DNAH5: variants seen among roughly 807,000 people sequenced by gnomAD.
The protein encoded by DNAH5 is axonemal beta dynein heavy chain 5.
DNAH5 carries 372 observed loss-of-function variants against 518.2 expected under a neutral mutation model. The ratio of observed to expected loss-of-function variants is 0.72; its 90% confidence interval spans 0.66 to 0.78. DNAH5 has a LOEUF of 0.78. Ranked by LOEUF, DNAH5 falls within the 30% of genes least tolerant of loss-of-function variation. The pLI is 0.00. For synonymous variants in DNAH5, 2,039 were observed against 2,025.9 expected (o/e 1.01, Z -0.17); for missense variants, 5,523 against 5,687.0 (o/e 0.97, Z 0.93).
chr5:13,921,757 C>CCCA (rs1554104141), intron 5 of DNAH5, among the ~76,000 whole-genome samples: 1 of 135,434 alleles, frequency 7.4e-6, no homozygotes, highest in Non-Finnish European at 1.5e-5. Context: ...CACACCCCCC[C>CCCA]ACACACACAC....
At chr5:13,850,967 T>C in intron 30 of DNAH5, 152 bp from the exon 31 acceptor site, 2 of 805,858 alleles carry the variant, frequency 2.5e-6, no homozygotes, top group Admixed American at 3.7e-5. Context: ...TTTATTGAAG[T>C]TCTTATTGGG....
chr5:13,784,014 C>T (rs1483215319), intron 52 of DNAH5, among the ~76,000 whole-genome samples: 22 of 152,134 alleles, frequency 1.4e-4, no homozygotes, highest in Admixed American at 1.4e-3. Context: ...GCCCCAGCAC[C>T]GAGGCATTCA....
chr5:13,894,582 A>G, intron 16 of DNAH5, 68 bp downstream of exon 16: 2 of 1,520,274 alleles, frequency 1.3e-6, no homozygotes, highest in Non-Finnish European at 1.8e-6. Context: ...TTGATAAGAA[A>G]TTATTCAACA....
Position 13,753,218 on chromosome 5 carries a change from TA to T in DNAH5, c.10872+14del. On this transcript the variant is annotated intron_variant, in intron 63 of 78. Transcript: ENST00000265104. ...AACTTAACCGGTAGCATAAACATAC[TA>T]AAACACAAATTACCTGGAGTTCATT... 2 of 1,605,774 alleles carry T rather than the reference TA, an allele frequency of 1.2e-6. No individual in the cohort carries two copies. Among genetic ancestry groups the T allele is most frequent in the Non-Finnish European group, 1.7e-6 (2 of 1,172,676 alleles).
intron 9 of DNAH5, among the ~76,000 whole-genome samples, chr5:13,916,007 C>T (rs1204195339): frequency 6.6e-6 from 1 of 151,856 alleles, no homozygotes; most frequent in Non-Finnish European, 1.5e-5. Context: ...AGGAGATAGC[C>T]AGTTAAATAT....
Position 13,758,963 on chromosome 5 carries a change from C to A in DNAH5, c.10302G>T (p.Glu3434Asp), listed in dbSNP as rs759185141. 12 of 1,614,006 alleles carry A rather than the reference C, an allele frequency of 7.4e-6. No homozygotes were observed. Among genetic ancestry groups the A allele is most frequent in the African/African-American group, 2.7e-5 (2 of 74,920 alleles). ...LPLKANLVVQ[E>D]NRHLLAMQDL... ...CCTGCATGGCCAGGAGATGGCGATT[C>A]TCTTGCACCACCAAGTTGGCCTGCA... is the stretch of plus-strand genomic sequence containing the variant. The change falls in exon 61 of 79, where the codon GAG (glutamate) becomes GAT (aspartate). Residue 3434 changes from glutamate to aspartate, a missense_variant. Around this residue, in one of 3 missense-constraint regions of DNAH5, gnomAD observed 5,121 missense variants for 5,223.3 expected, o/e 0.98. Coordinates refer to ENST00000265104, the MANE Select transcript of DNAH5 (RefSeq NM_001369.3).
chr5:13,708,024 T>A, intron 76 of DNAH5, 99 bp downstream of exon 76: 1 of 1,376,222 alleles, frequency 7.3e-7, no homozygotes, highest in South Asian at 1.2e-5. Flanking sequence ...TGCAAAAGAA[T>A]CATGTTGAGT....
chr5:13,814,245 A>G (rs1761113722), intron 43 of DNAH5, among the ~76,000 whole-genome samples: 1 of 152,178 alleles, frequency 6.6e-6, no homozygotes, highest in East Asian at 1.9e-4. Flanking sequence ...GGTCCTCCTA[A>G]ACTTTATGTG....
intron 55 of DNAH5, among the ~76,000 whole-genome samples, chr5:13,773,704 G>A (rs1177006641): frequency 1.3e-5 from 2 of 152,104 alleles, no homozygotes; most frequent in African/African-American, 2.4e-5. Flanking sequence ...ACACAATGAG[G>A]TACATAAATT....
At chr5:13,970,757 T>G (rs1468545031) in intron 1 of DNAH5, among the ~76,000 whole-genome samples, 1 of 152,212 alleles carries the variant, frequency 6.6e-6, no homozygotes, top group African/African-American at 2.4e-5. Context: ...CTGACGACTA[T>G]GTGCCTAGGT....
chr5:13,819,023 G>A (rs915794957), intron 41 of DNAH5, among the ~76,000 whole-genome samples: 2 of 152,148 alleles, frequency 1.3e-5, no homozygotes, highest in African/African-American at 4.8e-5. Context: ...AATCAGTGAT[G>A]CCATACAGAT....
At chr5:13,713,121 A>ATATG (rs1743736005) in intron 75 of DNAH5, among the ~76,000 whole-genome samples, 1 of 148,786 alleles carries the variant, frequency 6.7e-6, no homozygotes, top group Non-Finnish European at 1.5e-5. Context: ...ATATATATAT[A>ATATG]TATACACACA....
intron 53 of DNAH5, among the ~76,000 whole-genome samples, chr5:13,778,369 A>T (rs1214558515): frequency 1.3e-5 from 2 of 151,696 alleles, no homozygotes; most frequent in African/African-American, 2.4e-5. Context: ...GATCCGAGAG[A>T]TCAGAAAACA....
At chr5:13,918,991 T>C (rs1776957414) in intron 7 of DNAH5, among the ~76,000 whole-genome samples, 185 bp downstream of exon 7, 2 of 152,172 alleles carry the variant, frequency 1.3e-5, no homozygotes, top group Admixed American at 6.5e-5. Flanking sequence ...CAGCTAACAA[T>C]TGCCTTTCAT....
rs553320600 is a variant in DNAH5 at position 13,707,255 on chromosome 5, A to G, written c.13338+868T>C. On this transcript the variant is annotated intron_variant, in intron 76 of 78. Transcript: ENST00000265104. The surrounding 1 kb of genome is among the most constrained non-coding windows in gnomAD (Gnocchi z 4.0). ...CAGGGGAAGACCACCTTCCCACTCC[A>G]TCCCCCTTCTGGCTCCCCATCCACC... is the stretch of plus-strand genomic sequence containing the variant. 7.2e-5 allele frequency among the ~76,000 whole-genome samples: 11 copies of G among 152,264 alleles called. No homozygotes were observed. The highest frequency in any genetic ancestry group is 2.6e-4 in the African/African-American group (11 of 41,554).
chr5:13,833,114 C>A (rs17272983), intron 35 of DNAH5, among the ~76,000 whole-genome samples: 20,861 of 128,386 alleles, frequency 0.16, 1,903 homozygotes, highest in South Asian at 0.31. Context: ...GACAAGGTTG[C>A]TAAAGAATGT....
intron 30 of DNAH5, among the ~76,000 whole-genome samples, chr5:13,856,944 A>T (rs1396419234): frequency 6.6e-6 from 1 of 152,242 alleles, no homozygotes; most frequent in East Asian, 1.9e-4. Context: ...CCTTTTGAAA[A>T]CCGACACAAG....
chr5:13,955,189 A>C (rs1021578473), intron 1 of DNAH5, among the ~76,000 whole-genome samples: 4 of 152,116 alleles, frequency 2.6e-5, no homozygotes, highest in African/African-American at 9.7e-5. Flanking sequence ...GTTGTTTAAA[A>C]GTGTGTGGCA....
At chr5:13,896,588 G>C (rs960911381) in intron 15 of DNAH5, 2 of 152,076 alleles carry the variant, frequency 1.3e-5, no homozygotes, top group Non-Finnish European at 2.9e-5. Context: ...TACCCAATTA[G>C]ACTATAAGTT....
Sources: gnomAD v4.1 joint callset for allele counts (sites outside exome capture counted in the v4.1 genomes callset) on GRCh38, gnomAD v4.1.1 for gene constraint, gnomAD v4.1.1 regional missense constraint, Gnocchi (gnomAD v3.1) non-coding constraint, MANE v1.5 for transcripts, NCBI Gene and HGNC (gene_info 2026-07-23, HGNC 2026-07-21) for gene names.